The following GFRAL variants were observed in gnomAD, a reference collection of about 807,000 sequenced individuals.
The protein encoded by GFRAL is GDNF family receptor alpha-like.
A neutral mutation model predicts 45.4 loss-of-function variants in GFRAL; 36 were observed. That is an observed-to-expected ratio of 0.79 (90% CI 0.61 to 1.05). GFRAL has a LOEUF of 1.05. GFRAL is among the 50% of genes least tolerant of loss of function. The probability of loss-of-function intolerance (pLI) is 0.00; values close to 1 mark genes in which losing one functional copy is unlikely to be tolerated. For missense variants in GFRAL, 507 were observed against 467.5 expected (o/e 1.08, Z -0.78); for synonymous variants, 166 against 154.1 (o/e 1.08, Z -0.57).
intron 6 of GFRAL, among the ~76,000 whole-genome samples, chr6:55,379,988 T>C (rs536476523): frequency 6.6e-6 from 1 of 152,134 alleles, no homozygotes; most frequent in South Asian, 2.1e-4. Context: ...AAATTCATTT[T>C]TTTCCATGGT....
chr6:55,383,125 C>T (rs1768633788), intron 6 of GFRAL, among the ~76,000 whole-genome samples: 2 of 151,844 alleles, frequency 1.3e-5, no homozygotes, highest in South Asian at 4.1e-4. Context: ...ATAAGAATCA[C>T]ATGGTTTCCA....
chr6:55,391,764 G>GA (rs755346768), intron 6 of GFRAL, among the ~76,000 whole-genome samples: 4 of 152,038 alleles, frequency 2.6e-5, no homozygotes, highest in South Asian at 2.1e-4. Flanking sequence ...AAACATTGAG[G>GA]AAAAAATCTC....
At chr6:55,364,413 C>G (rs1195208746) in intron 6 of GFRAL, among the ~76,000 whole-genome samples, 1 of 147,486 alleles carries the variant, frequency 6.8e-6, no homozygotes, top group Non-Finnish European at 1.5e-5. Flanking sequence ...ATGGTAGTTT[C>G]TTTTGCTGTG....
intron 6 of GFRAL, among the ~76,000 whole-genome samples, chr6:55,373,096 A>G (rs1211562414): frequency 1.3e-5 from 2 of 151,946 alleles, no homozygotes; most frequent in Non-Finnish European, 2.9e-5. Flanking sequence ...TCAAAAAAAA[A>G]AAAAAACTTC....
chr6:55,367,579 C>T (rs1425076400), intron 6 of GFRAL, among the ~76,000 whole-genome samples: 1 of 151,220 alleles, frequency 6.6e-6, no homozygotes, highest in Non-Finnish European at 1.5e-5. Context: ...GCAGCTGGTA[C>T]CGGTTGTTCC....
At chr6:55,374,195 T>G (rs982268186) in intron 6 of GFRAL, among the ~76,000 whole-genome samples, 1 of 152,230 alleles carries the variant, frequency 6.6e-6, no homozygotes, top group African/African-American at 2.4e-5. Context: ...TTGTGAATAG[T>G]GCTGCAGTGA....
chr6:55,364,553 A>G (rs1376137848), intron 6 of GFRAL, among the ~76,000 whole-genome samples: 1 of 145,534 alleles, frequency 6.9e-6, no homozygotes, highest in African/African-American at 2.7e-5. Context: ...GTTTTCTTCT[A>G]GGGTTTTTAT....
intron 3 of GFRAL, among the ~76,000 whole-genome samples, chr6:55,348,638 G>A (rs1768076315): frequency 6.6e-6 from 1 of 152,056 alleles, no homozygotes; most frequent in East Asian, 1.9e-4. Flanking sequence ...GAGTACTCCA[G>A]GGGAGAGAGA....
At chr6:55,384,298 C>A (rs889550034) in intron 6 of GFRAL, among the ~76,000 whole-genome samples, 4 of 150,464 alleles carry the variant, frequency 2.7e-5, no homozygotes, top group Non-Finnish European at 5.9e-5. Flanking sequence ...TTCCATTTAT[C>A]CCCACACAAT....
intron 5 of GFRAL, among the ~76,000 whole-genome samples, chr6:55,352,370 A>G (rs949080405): frequency 7.9e-5 from 12 of 152,166 alleles, no homozygotes. Context: ...GTCCAGGAAG[A>G]GTGACAAAAA....
At chr6:55,363,586 CCT>C (rs796418703) in intron 6 of GFRAL, among the ~76,000 whole-genome samples, 3 of 106,838 alleles carry the variant, frequency 2.8e-5, no homozygotes, top group African/African-American at 7.4e-5. Flanking sequence ...ATCCCTCCCC[CCT>C]CCCCCCACCC....
rs1333547846 is a variant in GFRAL, at chr6:55,331,746, T to C, written c.54T>C (p.Thr18=). The C allele has an allele frequency of 6.2e-7, 1 of 1,610,754 alleles. No individual in the cohort carries two copies. The highest frequency in any genetic ancestry group is 8.5e-7 in the Non-Finnish European group (1 of 1,178,824). The part of the protein sequence containing the change: ...AMGLSLENEY[T]SQTNNCTYLR... ...GGTTAAGCTTGGAAAATGAATACACTTCCCAAACCAATAATTGCACATATT... is the reference window on the plus strand; with the variant it reads ...GGTTAAGCTTGGAAAATGAATACACCTCCCAAACCAATAATTGCACATATT... Residue 18 remains threonine (T), a synonymous_variant, in exon 2 of 9, where the codon ACT becomes ACC. Coordinates refer to ENST00000340465, the MANE Select transcript of GFRAL (RefSeq NM_207410.2).
intron 6 of GFRAL, among the ~76,000 whole-genome samples, chr6:55,363,588 TC>T (rs1358087097): frequency 0.05 from 5,201 of 103,746 alleles, 177 homozygotes; most frequent in African/African-American, 0.084. Flanking sequence ...CCCTCCCCCC[TC>T]CCCCCACCCC....
chr6:55,363,535 C>T (rs1373254675), intron 6 of GFRAL, among the ~76,000 whole-genome samples: 2 of 150,300 alleles, frequency 1.3e-5, no homozygotes, highest in African/African-American at 4.9e-5. Context: ...GCGCTGAACC[C>T]ACTAAATCGT....
chr6:55,383,282 T>A (rs1768636121), intron 6 of GFRAL, among the ~76,000 whole-genome samples: 1 of 147,912 alleles, frequency 6.8e-6, no homozygotes, highest in African/African-American at 2.7e-5. Context: ...TAAATAGCAA[T>A]TACCTCAACA....
chr6:55,349,959 A>G (rs113056008), intron 3 of GFRAL, 133 bp from the exon 4 acceptor site: 11 of 659,150 alleles, frequency 1.7e-5, no homozygotes, highest in African/African-American at 1.5e-4. Context: ...GGCTAAATAC[A>G]TGTTACATAA....
chr6:55,348,977 C>A (rs1768081194), intron 3 of GFRAL, among the ~76,000 whole-genome samples: 1 of 151,962 alleles, frequency 6.6e-6, no homozygotes, highest in Non-Finnish European at 1.5e-5. Flanking sequence ...CTATATGACT[C>A]CCTGGGATCT....
chr6:55,389,808 G>GA (rs1768724837), intron 6 of GFRAL, among the ~76,000 whole-genome samples: 1 of 152,102 alleles, frequency 6.6e-6, no homozygotes, highest in Non-Finnish European at 1.5e-5. Context: ...AAATCAGCTG[G>GA]AAAATCCACA....
chr6:55,363,132 C>CA (rs35444148), intron 6 of GFRAL, among the ~76,000 whole-genome samples: 12 of 150,062 alleles, frequency 8.0e-5, no homozygotes, highest in East Asian at 4.0e-4. Flanking sequence ...CATAGCAATA[C>CA]AAAAAAAAAA....
Sources: gnomAD v4.1 joint callset for allele counts (sites outside exome capture counted in the v4.1 genomes callset) on GRCh38, gnomAD v4.1.1 for gene constraint, MANE v1.5 for transcripts, NCBI Gene and HGNC (gene_info 2026-07-23, HGNC 2026-07-21) for gene names.